Variants in SUGCT observed in about 807,000 individuals in gnomAD.
The protein encoded by SUGCT is succinyl-CoA:glutarate CoA-transferase.
A neutral mutation model predicts 55.0 loss-of-function variants in SUGCT; 41 were observed. The observed-to-expected ratio is 0.74, with a 90% CI of 0.58 to 0.97. SUGCT has a LOEUF of 0.97. Among genes scored for constraint, SUGCT ranks in the 50% least tolerant of loss-of-function variants. SUGCT has a pLI of 0.00. For missense variants in SUGCT, 568 were observed against 547.8 expected (o/e 1.04, Z -0.37); for synonymous variants, 187 against 200.4 (o/e 0.93, Z 0.56).
At chr7:40,819,875 G>A (rs1258722622) in intron 13 of SUGCT, among the ~76,000 whole-genome samples, 1 of 152,058 alleles carries the variant, frequency 6.6e-6, no homozygotes, top group Admixed American at 6.6e-5. Context: ...TTTCTTCTAG[G>A]GTTTTTATGG....
chr7:40,998,388 T>G, the SUGCT span, among the ~76,000 whole-genome samples: 1 of 148,902 alleles, frequency 6.7e-6, no homozygotes, highest in East Asian at 2.0e-4. Context: ...AGGAGCTAGG[T>G]GTGTTGAACT....
At chr7:40,254,248 C>T (rs1307644046) in intron 7 of SUGCT, among the ~76,000 whole-genome samples, 1 of 152,198 alleles carries the variant, frequency 6.6e-6, no homozygotes, top group Non-Finnish European at 1.5e-5. Flanking sequence ...TACACACATA[C>T]ACAATGAATC....
the SUGCT span, among the ~76,000 whole-genome samples, chr7:40,898,021 T>C: frequency 6.6e-6 from 1 of 152,136 alleles, no homozygotes; most frequent in Non-Finnish European, 1.5e-5. Context: ...GTGAAAGGTG[T>C]GTTCTTTCGC....
At chr7:40,398,640 G>A (rs1785886590) in intron 9 of SUGCT, among the ~76,000 whole-genome samples, 1 of 151,138 alleles carries the variant, frequency 6.6e-6, no homozygotes, top group Admixed American at 6.6e-5. Context: ...AAGTGTAGCT[G>A]AAGACTTGGC....
chr7:40,958,913 G>T, the SUGCT span, among the ~76,000 whole-genome samples: 2 of 152,306 alleles, frequency 1.3e-5, no homozygotes, highest in African/African-American at 4.8e-5. Flanking sequence ...CCTTCTAACA[G>T]TCAGGCCCCT....
intron 12 of SUGCT, among the ~76,000 whole-genome samples, chr7:40,733,086 A>C (rs1194279398): frequency 6.6e-6 from 1 of 152,034 alleles, no homozygotes; most frequent in African/African-American, 2.4e-5. Context: ...CAAACAAACA[A>C]AAAAGAAATT....
chr7:40,261,542 G>C (rs1791224151), intron 7 of SUGCT, among the ~76,000 whole-genome samples: 1 of 152,152 alleles, frequency 6.6e-6, no homozygotes, highest in South Asian at 2.1e-4. Flanking sequence ...AACAATGCTA[G>C]CTCCTTTCTC....
chr7:40,758,567 AG>A (rs1447914469), intron 13 of SUGCT, among the ~76,000 whole-genome samples: 1 of 152,124 alleles, frequency 6.6e-6, no homozygotes, highest in Non-Finnish European at 1.5e-5. Flanking sequence ...CCAAACCTTC[AG>A]GATTTGGGGG....
At chr7:40,750,196 C>T (rs1347416795) in intron 13 of SUGCT, among the ~76,000 whole-genome samples, 1 of 152,168 alleles carries the variant, frequency 6.6e-6, no homozygotes, top group Non-Finnish European at 1.5e-5. Context: ...ACATTTCCCT[C>T]CCACAGCCTC....
At chr7:40,854,008 GCA>G (rs1322338274) in intron 13 of SUGCT, among the ~76,000 whole-genome samples, 2 of 152,174 alleles carry the variant, frequency 1.3e-5, no homozygotes, top group Admixed American at 1.3e-4. Flanking sequence ...TGAAGAGAAT[GCA>G]CAAGGTTATA....
intron 11 of SUGCT, among the ~76,000 whole-genome samples, chr7:40,468,677 A>G (rs1339028696): frequency 6.6e-6 from 1 of 152,056 alleles, no homozygotes; most frequent in Non-Finnish European, 1.5e-5. Context: ...ATTCTTCCTT[A>G]CACATAGTTT....
At chr7:40,877,200 A>C in the SUGCT span, among the ~76,000 whole-genome samples, 1 of 152,192 alleles carries the variant, frequency 6.6e-6, no homozygotes, top group African/African-American at 2.4e-5. Context: ...GCTTGTAATC[A>C]ACACATTAAA....
the SUGCT span, among the ~76,000 whole-genome samples, chr7:40,883,953 C>G: frequency 6.6e-6 from 1 of 152,152 alleles, no homozygotes; most frequent in Non-Finnish European, 1.5e-5. Flanking sequence ...CACAGAAACA[C>G]TCTGGAGGCA....
At chr7:40,243,103 A>G (rs1789575251) in intron 7 of SUGCT, among the ~76,000 whole-genome samples, 1 of 147,936 alleles carries the variant, frequency 6.8e-6, no homozygotes, top group Non-Finnish European at 1.5e-5. Flanking sequence ...GCCTGCATCC[A>G]TCTCTCTCTC....
chr7:40,471,855 A>G (rs558341953), intron 11 of SUGCT, among the ~76,000 whole-genome samples: 8 of 152,260 alleles, frequency 5.3e-5, no homozygotes, highest in Middle Eastern at 3.4e-3. Context: ...CAAAGAGACT[A>G]TTAAAATAGG....
chr7:40,958,940 G>C, the SUGCT span, among the ~76,000 whole-genome samples: 1 of 152,162 alleles, frequency 6.6e-6, no homozygotes, highest in African/African-American at 2.4e-5. Context: ...CAGGTCTGCT[G>C]GAAGTTTGCT....
chr7:40,889,658 T>A, the SUGCT span, among the ~76,000 whole-genome samples: 1 of 152,296 alleles, frequency 6.6e-6, no homozygotes, highest in South Asian at 2.1e-4. Context: ...AATTATCTCA[T>A]CACCAATCTC....
intron 6 of SUGCT, among the ~76,000 whole-genome samples, chr7:40,215,532 A>T (rs1787574426): frequency 6.6e-6 from 1 of 152,150 alleles, no homozygotes; most frequent in Admixed American, 6.6e-5. Context: ...TGTATCATTT[A>T]CTTCTTATCA....
At chr7:40,176,722 C>G (rs1388922839) in intron 1 of SUGCT, among the ~76,000 whole-genome samples, 1 of 151,816 alleles carries the variant, frequency 6.6e-6, no homozygotes, top group East Asian at 1.9e-4. Context: ...CCTGTAATCC[C>G]AGCACTTTGA....
Sources: gnomAD v4.1 joint callset for allele counts (sites outside exome capture counted in the v4.1 genomes callset) on GRCh38, gnomAD v4.1.1 for gene constraint, MANE v1.5 for transcripts, NCBI Gene and HGNC (gene_info 2026-07-23, HGNC 2026-07-21) for gene names.